FBXW11: variants seen among roughly 807,000 people sequenced by gnomAD.
FBXW11 encodes F-box/WD repeat-containing protein 11.
FBXW11 carries 19 observed loss-of-function variants against 77.6 expected under a neutral mutation model. That is an observed-to-expected ratio of 0.24 (90% CI 0.17 to 0.36). The LOEUF (loss-of-function observed/expected upper bound fraction) is 0.36. FBXW11 is among the 10% of genes least tolerant of loss of function. FBXW11 has a pLI of 1.00. For synonymous variants in FBXW11, 235 were observed against 249.4 expected, an observed-to-expected ratio of 0.94 and a Z score of 0.54; for missense variants, 334 against 704.2, an observed-to-expected ratio of 0.47 and a Z score of 5.95.
chr5:171,984,569 A>G (rs1467729633), intron 1 of FBXW11, among the ~76,000 whole-genome samples: 1 of 152,242 alleles, frequency 6.6e-6, no homozygotes, highest in Non-Finnish European at 1.5e-5. Flanking sequence ...AATTTCTGAC[A>G]AAATAGTTAT....
intron 13 of FBXW11, among the ~76,000 whole-genome samples, chr5:171,864,645 AGTAAATCATTG>A (rs2113728181): frequency 6.6e-6 from 1 of 152,334 alleles, no homozygotes; most frequent in Admixed American, 6.5e-5. Context: ...CTTTTTAATA[AGTAAATCATTG>A]GTAAAACAAC....
At chr5:171,985,815 C>G (rs1448190138) in intron 1 of FBXW11, among the ~76,000 whole-genome samples, 1 of 152,092 alleles carries the variant, frequency 6.6e-6, no homozygotes, top group Non-Finnish European at 1.5e-5. Flanking sequence ...GACATGGTGG[C>G]ATGCACCAGC....
At chr5:171,898,585 A>G (rs897188614) in intron 6 of FBXW11, among the ~76,000 whole-genome samples, 8 of 152,158 alleles carry the variant, frequency 5.3e-5, no homozygotes, top group African/African-American at 1.9e-4. Flanking sequence ...TATCTGAGTC[A>G]TGTTTATGAA....
At chr5:171,997,325 C>T (rs1250239887) in intron 1 of FBXW11, among the ~76,000 whole-genome samples, 1 of 152,188 alleles carries the variant, frequency 6.6e-6, no homozygotes, top group Non-Finnish European at 1.5e-5. Flanking sequence ...ATGAGAGCAG[C>T]TAAAAAATAC....
chr5:171,910,701 G>C lies in FBXW11; in HGVS notation c.307C>G (p.Gln103Glu). ...TCCACTTGATCTGATTCAGACCACT[G>C]GTCAAAATATTTAATACACAAGTCT... ...EKDLCIKYFDQWSESDQVEFV... is the reference protein window; with the variant it reads ...EKDLCIKYFDEWSESDQVEFV... The change falls in exon 4 of 14, where the codon CAG (glutamine) becomes GAG (glutamate). Residue 103 changes from glutamine (Q) to glutamate (E), a missense_variant. Gln to Glu is a conservative substitution (Grantham distance 29). Transcript: ENST00000517395. 6.2e-7 allele frequency: 1 copy of C among 1,613,536 alleles called. No homozygotes were observed. Among genetic ancestry groups the C allele is most frequent in the Non-Finnish European group, 8.5e-7 (1 of 1,179,706 alleles).
At chr5:171,936,260 A>G (rs570307696) in intron 2 of FBXW11, among the ~76,000 whole-genome samples, 2 of 152,222 alleles carry the variant, frequency 1.3e-5, no homozygotes, top group East Asian at 3.9e-4. Context: ...TGGGAAGGCA[A>G]GATGGGAGGA....
chr5:171,971,091 T>C (rs1193299579), intron 1 of FBXW11, among the ~76,000 whole-genome samples: 2 of 152,340 alleles, frequency 1.3e-5, no homozygotes, highest in East Asian at 1.9e-4. Flanking sequence ...ACAGACTTTA[T>C]AGACCATTTT....
At chr5:171,894,188 G>C (rs935471664) in intron 6 of FBXW11, among the ~76,000 whole-genome samples, 21 of 152,096 alleles carry the variant, frequency 1.4e-4, no homozygotes, top group African/African-American at 4.6e-4. Context: ...TCTGGACAGA[G>C]GACGACAACA....
At chr5:171,891,708 C>A in intron 6 of FBXW11, 104 bp from the exon 7 acceptor site, 2 of 1,155,290 alleles carry the variant, frequency 1.7e-6, no homozygotes, top group South Asian at 1.7e-5. Flanking sequence ...ACCGATACCC[C>A]AATCTTGGTT....
At chr5:171,897,597 A>G (rs908690237) in intron 6 of FBXW11, among the ~76,000 whole-genome samples, 2 of 152,220 alleles carry the variant, frequency 1.3e-5, no homozygotes, top group African/African-American at 4.8e-5. Flanking sequence ...TGAGGATTCA[A>G]TCAAACTATC....
In FBXW11 at chr5:171,869,897, C is replaced by A. The variant is rs1368514282; in HGVS notation, c.1452-90G>T. On this transcript the variant is annotated intron_variant, in intron 11 of 13. Coordinates refer to ENST00000517395, the MANE Select transcript of FBXW11 (RefSeq NM_001378974.1). This position sits in a 1 kb window ranked among gnomAD's most constrained non-coding sequence, Gnocchi z 4.1. ...CTTGAAAAAAAGTAGTGCATCTGAA[C>A]TGCCTATTTATAAAAGCTAATGGGG... 3 of 713,214 alleles carry A rather than the reference C, an allele frequency of 4.2e-6. No individual in the cohort carries two copies. The highest frequency in any genetic ancestry group is 1.9e-5 in the South Asian group (1 of 51,906). The allele number at this position is 713,214 out of a possible 1,614,324, so 44.2% of individuals were successfully genotyped here.
intron 11 of FBXW11, among the ~76,000 whole-genome samples, chr5:171,870,087 C>T (rs898692102): frequency 6.6e-5 from 10 of 152,134 alleles, no homozygotes; most frequent in Non-Finnish European, 1.3e-4. Flanking sequence ...GACTTGATAA[C>T]CTATGTCACC....
rs1486417102 is a variant in FBXW11, at chr5:171,863,726, G to C, written c.*401C>G. The C allele has an allele frequency of 6.6e-6, 1 of 152,624 alleles. No individual in the cohort carries two copies. Among genetic ancestry groups the C allele is most frequent in the Non-Finnish European group, 1.5e-5 (1 of 68,036 alleles). 9.5% of individuals were successfully genotyped at this position (152,624 alleles called of 1,614,324 possible). A position where few individuals can be genotyped will look rare whatever the true frequency, so the allele number is the denominator to read the frequency against. Reference sequence around the variant, plus strand: ...TGGCACCCAAAATTTCACTGAAGAAGAATGCTGTTTCTTAATATCAAACCA... The same window carrying C: ...TGGCACCCAAAATTTCACTGAAGAACAATGCTGTTTCTTAATATCAAACCA... On this transcript the variant is annotated 3_prime_UTR_variant, in exon 14 of 14. Transcript: ENST00000517395.
chr5:171,987,346 T>C (rs1389507989), intron 1 of FBXW11, among the ~76,000 whole-genome samples: 1 of 152,214 alleles, frequency 6.6e-6, no homozygotes, highest in East Asian at 1.9e-4. Context: ...TGCAAACCGT[T>C]GTTCACTTGG....
intron 1 of FBXW11, among the ~76,000 whole-genome samples, chr5:171,991,976 G>A (rs759804691): frequency 3.3e-5 from 5 of 151,936 alleles, no homozygotes; most frequent in South Asian, 2.1e-4. Context: ...TTAGCTGGGC[G>A]TGGTGGTGCA....
At chr5:171,958,129 G>T (rs1373621732) in intron 1 of FBXW11, among the ~76,000 whole-genome samples, 1 of 152,146 alleles carries the variant, frequency 6.6e-6, no homozygotes, top group Non-Finnish European at 1.5e-5. Context: ...TATTTGCCCA[G>T]CACTTTACAT....
chr5:171,871,785 A>C (rs1463209670), intron 10 of FBXW11, among the ~76,000 whole-genome samples: 1 of 152,226 alleles, frequency 6.6e-6, no homozygotes, highest in East Asian at 1.9e-4. Flanking sequence ...GCCCTTAGCA[A>C]ATCTTCTTAG....
At chr5:171,929,744 C>G (rs368587074) in intron 2 of FBXW11, among the ~76,000 whole-genome samples, 1 of 151,782 alleles carries the variant, frequency 6.6e-6, no homozygotes, top group Non-Finnish European at 1.5e-5. Context: ...CCCAGCTACT[C>G]GGGAGGCTGA....
intron 8 of FBXW11, among the ~76,000 whole-genome samples, chr5:171,877,565 C>G (rs1047329120): frequency 6.6e-6 from 1 of 152,064 alleles, no homozygotes; most frequent in Non-Finnish European, 1.5e-5. Flanking sequence ...AAGACTCAGG[C>G]CTCTGAGGCT....
Sources: allele counts gnomAD v4.1 joint callset (sites outside exome capture counted in the v4.1 genomes callset), GRCh38; gene constraint gnomAD v4.1.1; non-coding constraint Gnocchi (gnomAD v3.1); transcripts MANE v1.5; gene names NCBI Gene and HGNC (gene_info 2026-07-23, HGNC 2026-07-21).